DNMT3B: variants seen among roughly 807,000 people sequenced by gnomAD.
DNMT3B encodes the protein DNA methyltransferase 3 beta, also known as DNA (cytosine-5)-methyltransferase 3B.
In DNMT3B, 37 loss-of-function variants were observed where a neutral mutation model predicts 120.2. The ratio of observed to expected loss-of-function variants is 0.31; its 90% CI spans 0.24 to 0.40. The LOEUF is 0.40. Ranked by LOEUF, DNMT3B falls within the 10% of genes least tolerant of loss-of-function variation. The pLI, the probability that DNMT3B is intolerant of heterozygous loss-of-function variation, is 1.00. For synonymous variants in DNMT3B, 412 were observed against 442.8 expected, an observed-to-expected ratio of 0.93 and a Z score of 0.87; for missense variants, 878 against 1,137.3, an observed-to-expected ratio of 0.77 and a Z score of 3.28.
At position 32,807,977 on chromosome 20, in the gene DNMT3B, C is replaced by T. The variant is rs1319232386; in HGVS notation, c.*74C>T. The T allele has an allele frequency of 1.9e-6, 3 of 1,610,942 alleles. No homozygotes were observed. The highest frequency in any genetic ancestry group is 1.3e-5 in the African/African-American group (1 of 74,854). ...CAGGAGGTGTGATTCCTGAAGGCAT[C>T]CCCAGGCCCTGCTCTTCCTCAGCTG... On this transcript the variant is annotated 3_prime_UTR_variant, in exon 23 of 23. Transcript: ENST00000328111.
intron 8 of DNMT3B, among the ~76,000 whole-genome samples, chr20:32,792,225 T>C (rs1210281314): frequency 1.3e-5 from 2 of 152,234 alleles, no homozygotes; most frequent in African/African-American, 4.8e-5. Context: ...CACAAGTTAA[T>C]GTCCCCATCT....
At chr20:32,786,101 C>T (rs1452173613) in intron 4 of DNMT3B, among the ~76,000 whole-genome samples, 1 of 152,280 alleles carries the variant, frequency 6.6e-6, no homozygotes, top group Non-Finnish European at 1.5e-5. Context: ...CCAGGATGAT[C>T]CTGAATTTCT....
At chr20:32,793,406 T>C in intron 9 of DNMT3B, 130 bp from the exon 10 acceptor site, 2 of 1,019,382 alleles carry the variant, frequency 2.0e-6, no homozygotes, top group Admixed American at 2.0e-5. Flanking sequence ...AGGCAGAGGT[T>C]GCAGTGCGCC....
Position 32,788,841 on chromosome 20 carries a change from G to A in DNMT3B, c.655-13G>A. Reference sequence around the variant, plus strand: ...CTCCTCACTGGGATTTCTTCATGTGGGTTTTCTTCCAGGATGGGAAGGAGT... The same window carrying A: ...CTCCTCACTGGGATTTCTTCATGTGAGTTTTCTTCCAGGATGGGAAGGAGT... On this transcript the variant is annotated splice_polypyrimidine_tract_variant and intron_variant, in intron 6 of 22. Transcript: ENST00000328111. 1 of 1,614,184 alleles carries A rather than the reference G, an allele frequency of 6.2e-7. No homozygotes were observed. The highest frequency in any genetic ancestry group is 1.7e-4 in the Middle Eastern group (1 of 6,060).
intron 1 of DNMT3B, among the ~76,000 whole-genome samples, chr20:32,774,431 G>A (rs1987946268): frequency 6.6e-6 from 1 of 150,918 alleles, no homozygotes; most frequent in East Asian, 2.0e-4. Context: ...GGATGGTCTC[G>A]AGCTCCTGAC....
chr20:32,788,553 C>T (rs974997498), intron 6 of DNMT3B, among the ~76,000 whole-genome samples: 2 of 152,194 alleles, frequency 1.3e-5, no homozygotes, highest in Non-Finnish European at 2.9e-5. Flanking sequence ...CCTCCTATCT[C>T]AGCCTCCTGA....
chr20:32,797,656 C>A (rs1470487503), intron 14 of DNMT3B, among the ~76,000 whole-genome samples: 1 of 127,266 alleles, frequency 7.9e-6, no homozygotes, highest in Non-Finnish European at 1.5e-5. Context: ...TCACACCCAG[C>A]TAGTTATTCT....
chr20:32,775,370 G>T (rs914163921), intron 1 of DNMT3B, among the ~76,000 whole-genome samples: 1 of 152,224 alleles, frequency 6.6e-6, no homozygotes, highest in East Asian at 1.9e-4. Flanking sequence ...TCTGCTGCTG[G>T]TATCAGCCTG....
intron 3 of DNMT3B, 35 bp from the exon 4 acceptor site, chr20:32,784,723 G>T (rs1312034298): frequency 1.2e-6 from 2 of 1,609,230 alleles, no homozygotes; most frequent in Non-Finnish European, 8.5e-7. Context: ...GATACCCTGG[G>T]GTCTTCATCA....
At chr20:32,779,884 G>A in intron 1 of DNMT3B, 1 of 612,640 alleles carries the variant, frequency 1.6e-6, no homozygotes, top group Non-Finnish European at 2.9e-6. Flanking sequence ...GGTCAGGAGG[G>A]AAAATAATGC....
chr20:32,806,978 T>C (rs1468075517), intron 22 of DNMT3B, among the ~76,000 whole-genome samples: 1 of 152,238 alleles, frequency 6.6e-6, no homozygotes, highest in Admixed American at 6.5e-5. Flanking sequence ...AATTTCTTCT[T>C]TGACTTACCA....
Position 32,787,315 on chromosome 20 carries a change from A to G in DNMT3B, c.518A>G (p.Asp173Gly), listed in dbSNP as rs1176877272. The G allele has an allele frequency of 1.2e-6, 2 of 1,613,988 alleles. No individual in the cohort carries two copies. The change falls in exon 6 of 23, where the codon GAC becomes GGC. Residue 173 changes from aspartate to glycine, a missense_variant. Around this residue, in one of 4 missense-constraint regions of DNMT3B, gnomAD observed 287 missense variants for 306.2 expected, o/e 0.94. Transcript: ENST00000328111. ...SSYLTIDLTD[D>G]TEDTHGTPQS... ...TACCTTACCATCGACCTCACAGACG[A>G]CACAGAGGACACACATGGGACGCCC...
chr20:32,765,792 G>A (rs1277500649), intron 1 of DNMT3B, among the ~76,000 whole-genome samples: 1 of 117,596 alleles, frequency 8.5e-6, no homozygotes, highest in African/African-American at 3.6e-5. Flanking sequence ...GTCTGGCTCT[G>A]TCTCCCAGGC....
chr20:32,800,388 C>T, intron 17 of DNMT3B, 90 bp downstream of exon 17: 8 of 1,556,390 alleles, frequency 5.1e-6, no homozygotes, highest in Non-Finnish European at 6.2e-6. Context: ...AGGCCCCATC[C>T]CTGAGACCCC....
intron 3 of DNMT3B, among the ~76,000 whole-genome samples, chr20:32,783,240 T>C (rs554351621): frequency 1.6e-4 from 24 of 152,314 alleles, no homozygotes; most frequent in Non-Finnish European, 3.4e-4. Flanking sequence ...TTTATTTCTT[T>C]AAATATATCT....
At chr20:32,799,394 G>T in intron 16 of DNMT3B, 66 bp downstream of exon 16, 1 of 1,553,228 alleles carries the variant, frequency 6.4e-7, no homozygotes, top group Non-Finnish European at 8.8e-7. Context: ...GGAGTCAGAA[G>T]GCATGGTTAA....
At chr20:32,797,076 A>G (rs1980719289) in intron 13 of DNMT3B, 111 bp from the exon 14 acceptor site, 2 of 1,604,746 alleles carry the variant, frequency 1.2e-6, no homozygotes, top group African/African-American at 1.3e-5. Flanking sequence ...AAGGACACCA[A>G]GCCACCAGCA....
chr20:32,801,510 A>G (rs971057788), intron 19 of DNMT3B, 84 bp downstream of exon 19: 26 of 1,573,220 alleles, frequency 1.7e-5, no homozygotes, highest in Admixed American at 1.7e-5. Context: ...GGGTGTTGCC[A>G]ACATTGGGAA....
At chr20:32,802,792 G>A (rs937177921) in intron 20 of DNMT3B, among the ~76,000 whole-genome samples, 3 of 152,140 alleles carry the variant, frequency 2.0e-5, no homozygotes, top group African/African-American at 4.8e-5. Context: ...TTGAGCCCAG[G>A]AGTTCTAGAC....
Sources: gnomAD v4.1 joint callset for allele counts (sites outside exome capture counted in the v4.1 genomes callset) on GRCh38, gnomAD v4.1.1 for gene constraint, gnomAD v4.1.1 regional missense constraint, MANE v1.5 for transcripts, NCBI Gene and HGNC (gene_info 2026-07-23, HGNC 2026-07-21) for gene names.